Variants in PRKCB observed in about 807,000 individuals in gnomAD.
PRKCB encodes protein kinase C beta type.
Under a neutral mutation model 81.5 loss-of-function variants are expected in PRKCB, and 13 were observed. That is an observed-to-expected ratio of 0.16 (90% confidence interval 0.10 to 0.25). PRKCB has a LOEUF of 0.25. PRKCB is among the 10% of genes least tolerant of loss of function. PRKCB has a pLI of 1.00. For synonymous variants in PRKCB, 335 were observed against 321.4 expected, an observed-to-expected ratio of 1.04 and a Z score of -0.45; for missense variants, 509 against 875.7, an observed-to-expected ratio of 0.58 and a Z score of 5.29.
At chr16:23,878,124 G>A (rs1451349771) in intron 2 of PRKCB, among the ~76,000 whole-genome samples, 2 of 152,046 alleles carry the variant, frequency 1.3e-5, no homozygotes, top group African/African-American at 2.4e-5. Context: ...GTGAGCCACC[G>A]CACCCGGCCT....
intron 7 of PRKCB, among the ~76,000 whole-genome samples, chr16:24,111,751 T>C (rs1482735189): frequency 6.6e-6 from 1 of 152,156 alleles, no homozygotes; most frequent in African/African-American, 2.4e-5. Flanking sequence ...TGAGCTATGA[T>C]TGTGCTGCTG....
At chr16:24,082,572 G>A (rs1355209114) in intron 5 of PRKCB, among the ~76,000 whole-genome samples, 1 of 152,134 alleles carries the variant, frequency 6.6e-6, no homozygotes, top group Non-Finnish European at 1.5e-5. Context: ...ACGGCCTATT[G>A]ATTTTCAACA....
At chr16:24,126,955 G>A (rs1468110911) in intron 9 of PRKCB, among the ~76,000 whole-genome samples, 2 of 151,286 alleles carry the variant, frequency 1.3e-5, no homozygotes, top group Non-Finnish European at 2.9e-5. Flanking sequence ...TTACAGGTGT[G>A]AGCCACCGCA....
chr16:24,021,008 C>CTTTCTT (rs1965359578), intron 3 of PRKCB, among the ~76,000 whole-genome samples: 2 of 141,262 alleles, frequency 1.4e-5, no homozygotes, highest in Admixed American at 1.4e-4. Context: ...TTCTTTCTTT[C>CTTTCTT]TTTCTTTCTT....
intron 4 of PRKCB, among the ~76,000 whole-genome samples, chr16:24,032,588 C>G (rs1476503498): frequency 6.6e-6 from 1 of 152,204 alleles, no homozygotes; most frequent in Non-Finnish European, 1.5e-5. Context: ...TGGCCTCACC[C>G]ACATGTCCTG....
At chr16:24,112,882 G>C (rs1439938994) in intron 7 of PRKCB, 91 bp from the exon 8 acceptor site, 2 of 904,448 alleles carry the variant, frequency 2.2e-6, no homozygotes, top group African/African-American at 1.7e-5. Flanking sequence ...TTCAAGTAGA[G>C]CTTTATATAG....
intron 5 of PRKCB, among the ~76,000 whole-genome samples, chr16:24,047,537 T>TAAA (rs796565689): frequency 7.8e-6 from 1 of 128,312 alleles, no homozygotes; most frequent in Non-Finnish European, 1.7e-5. Flanking sequence ...TCTCTCCTTC[T>TAAA]AAAAAAAAAA....
intron 2 of PRKCB, among the ~76,000 whole-genome samples, chr16:23,873,949 C>A (rs1166648400): frequency 1.3e-5 from 2 of 152,092 alleles, no homozygotes; most frequent in African/African-American, 4.8e-5. Context: ...TTGCCTCCTG[C>A]CTCTGTAAAT....
intron 5 of PRKCB, among the ~76,000 whole-genome samples, chr16:24,043,378 C>T (rs1448994367): frequency 6.6e-6 from 1 of 152,120 alleles, no homozygotes; most frequent in Non-Finnish European, 1.5e-5. Flanking sequence ...CATTGAAGAG[C>T]AAAATGCCTT....
intron 5 of PRKCB, among the ~76,000 whole-genome samples, chr16:24,045,549 C>T (rs1965753292): frequency 6.6e-6 from 1 of 151,964 alleles, no homozygotes; most frequent in African/African-American, 2.4e-5. Context: ...AGTTCTTTGA[C>T]TTAAACTTCA....
At chr16:23,925,745 G>C (rs1963888482) in intron 2 of PRKCB, among the ~76,000 whole-genome samples, 1 of 151,984 alleles carries the variant, frequency 6.6e-6, no homozygotes, top group Non-Finnish European at 1.5e-5. Flanking sequence ...AGGGTACCCT[G>C]TACTCATTAA....
intron 5 of PRKCB, among the ~76,000 whole-genome samples, chr16:24,039,026 G>A (rs77623454): frequency 0.015 from 2,295 of 152,098 alleles, 68 homozygotes; most frequent in African/African-American, 0.053. Context: ...TGAGGGTGGG[G>A]CCCTCATAAT....
At chr16:24,116,277 C>T (rs1966736652) in intron 8 of PRKCB, among the ~76,000 whole-genome samples, 1 of 152,048 alleles carries the variant, frequency 6.6e-6, no homozygotes, top group Non-Finnish European at 1.5e-5. Flanking sequence ...CGCTTAGGGG[C>T]CAGGCACGGT....
chr16:23,942,511 A>G (rs1964152065), intron 2 of PRKCB, among the ~76,000 whole-genome samples: 1 of 152,232 alleles, frequency 6.6e-6, no homozygotes, highest in Admixed American at 6.5e-5. Context: ...GAGAAGCACT[A>G]GAAAGGATAT....
At position 23,996,778 on chromosome 16, in the gene PRKCB, A is replaced by G. The variant is rs144375240; in HGVS notation, c.288+8188A>G. On this transcript the variant is annotated intron_variant, in intron 3 of 16. Transcript: ENST00000643927. ...TCTTACCATGTTCCCCATCATTCTG[A>G]AGCAGCTGGCTTGATAGAATGGTGG... 6.1e-3 allele frequency among the ~76,000 whole-genome samples: 930 copies of G among 152,270 alleles called. 26 individuals carry two copies. Among genetic ancestry groups the G allele is most frequent in the Admixed American group, 5.0e-3 (76 of 15,288 alleles).
intron 13 of PRKCB, 43 bp downstream of exon 13, chr16:24,180,971 C>T (rs1567404158): frequency 6.2e-7 from 1 of 1,603,448 alleles, no homozygotes; most frequent in Non-Finnish European, 8.5e-7. Flanking sequence ...GTGATGTACC[C>T]TCTGCTCCCC....
intron 2 of PRKCB, among the ~76,000 whole-genome samples, chr16:23,854,624 G>A (rs1002963733): frequency 2.6e-5 from 4 of 152,178 alleles, no homozygotes. Flanking sequence ...GCTTCTTGAA[G>A]CCAAGGCTCA....
chr16:24,144,955 T>C (rs1470525671), intron 9 of PRKCB, among the ~76,000 whole-genome samples: 1 of 152,020 alleles, frequency 6.6e-6, no homozygotes, highest in Non-Finnish European at 1.5e-5. Context: ...AATAAACAGA[T>C]AGATATTAAT....
At chr16:24,211,274 A>G (rs560936643) in intron 16 of PRKCB, among the ~76,000 whole-genome samples, 2 of 152,356 alleles carry the variant, frequency 1.3e-5, no homozygotes, top group East Asian at 3.9e-4. Flanking sequence ...CTTAAACACC[A>G]TGCAAATGCC....
Sources: allele counts gnomAD v4.1 joint callset (sites outside exome capture counted in the v4.1 genomes callset), GRCh38; gene constraint gnomAD v4.1.1; transcripts MANE v1.5; gene names NCBI Gene and HGNC (gene_info 2026-07-23, HGNC 2026-07-21).